TMEM63A: variants seen among roughly 807,000 people sequenced by gnomAD.
The protein encoded by TMEM63A is mechanosensitive cation channel TMEM63A.
TMEM63A carries 76 observed loss-of-function variants against 100.6 expected under a neutral mutation model. That is an observed-to-expected ratio of 0.76 (90% CI 0.63 to 0.91). The LOEUF is 0.91. Among genes scored for constraint, TMEM63A ranks in the 40% least tolerant of loss-of-function variants. The probability of loss-of-function intolerance (pLI) is 0.00; values close to 1 mark genes in which losing one functional copy is unlikely to be tolerated. For synonymous variants in TMEM63A, 401 were observed against 401.1 expected (o/e 1.00, Z 0.00); for missense variants, 876 against 1,008.8 (o/e 0.87, Z 1.78).
intron 6 of TMEM63A, 109 bp downstream of exon 6, chr1:225,870,967 A>G (rs2102637922): frequency 1.7e-6 from 2 of 1,179,046 alleles, no homozygotes; most frequent in East Asian, 2.4e-5. Flanking sequence ...AAAGTATCTA[A>G]GAGACACCAT....
downstream of TMEM63A, chr1:225,844,482 T>G (rs1427283988): frequency 1.2e-6 from 2 of 1,614,082 alleles, no homozygotes; most frequent in Non-Finnish European, 8.5e-7. Flanking sequence ...TGGGGCTTTG[T>G]GTTCTGCGTT....
In TMEM63A at chr1:225,873,653, G is replaced by A. The variant is rs138093888; in HGVS notation, c.266+635C>T. ...TGAACAGAGAATCCTGGAGCCCCAC[G>A]CAGAACTGGAAGGACCTGAAGCCTG... On this transcript the variant is annotated intron_variant, in intron 4 of 24. Transcript: ENST00000366835. Among the ~76,000 whole-genome samples, 79 of 152,238 alleles carry A rather than the reference G, an allele frequency of 5.2e-4. 2 individuals carry two copies. Among genetic ancestry groups the A allele is most frequent in the African/African-American group, 1.7e-3 (72 of 41,546 alleles).
chr1:225,845,094 G>C, downstream of TMEM63A: 2 of 1,596,060 alleles, frequency 1.3e-6, no homozygotes, highest in Admixed American at 1.7e-5. Flanking sequence ...TGTGCAGGAC[G>C]GAGGGGCGCA....
At position 225,857,031 on chromosome 1, in the gene TMEM63A, C is replaced by G. The variant is rs1371718544; in HGVS notation, c.1378-14G>C. 6.4e-7 allele frequency: 1 copy of G among 1,565,532 alleles called. No individual in the cohort carries two copies. The highest frequency in any genetic ancestry group is 2.1e-5 in the Admixed American group (1 of 46,820). On this transcript the variant is annotated splice_polypyrimidine_tract_variant and intron_variant, in intron 15 of 24. Coordinates refer to ENST00000366835, the MANE Select transcript of TMEM63A (RefSeq NM_014698.3). Reference sequence around the variant, plus strand: ...GATGATCGGGTTCTAGGAGAAAGGTCCACAGCAGAGAGAGTCACAGGGGCC... The same window carrying G: ...GATGATCGGGTTCTAGGAGAAAGGTGCACAGCAGAGAGAGTCACAGGGGCC...
Position 225,845,810 on chromosome 1 carries a change from A to T in TMEM63A, c.*1129T>A. The T allele has an allele frequency of 4.1e-6, 1 of 242,970 alleles. No homozygotes were observed. The highest frequency in any genetic ancestry group is 8.1e-6 in the Non-Finnish European group (1 of 123,510). The allele number at this position is 242,970 out of a possible 1,614,324, so 15.1% of individuals were successfully genotyped here. On this transcript the variant is annotated 3_prime_UTR_variant, in exon 25 of 25. Transcript: ENST00000366835. ...CAAGTCAGCGTCAAGAGAGTCCCTG[A>T]GTGAGAAGGCCCAGATAAGCCCAGG...
rs762231624 is a variant in TMEM63A at position 225,867,879 on chromosome 1, G to A, written c.514+9C>T. On this transcript the variant is annotated intron_variant, in intron 7 of 24. Coordinates refer to ENST00000366835, the MANE Select transcript of TMEM63A (RefSeq NM_014698.3). This position sits in a 1 kb window ranked among gnomAD's most constrained non-coding sequence, Gnocchi z 4.6. ...TTACAACATAGACAAGGGTGAGGAG[G>A]GTCATTACCCAGCAAGTCCCCTGAG... 6 of 1,613,886 alleles carry A rather than the reference G, an allele frequency of 3.7e-6. No homozygotes were observed. Among genetic ancestry groups the A allele is most frequent in the Non-Finnish European group, 5.1e-6 (6 of 1,180,014 alleles).
chr1:225,860,266 C>T (rs1010644055), intron 14 of TMEM63A: 2 of 152,538 alleles, frequency 1.3e-5, no homozygotes, highest in African/African-American at 4.8e-5. Context: ...GCTGGGTGCC[C>T]TTACCCTCAG....
At position 225,850,085 on chromosome 1, in the gene TMEM63A, G is replaced by A. The variant is rs1669244064; in HGVS notation, c.1904-6C>T. ...GAGCAGGATGTAGATGAGGCCTGCA[G>A]GGGATGGGGCTGTGAGCTGGAGACC... is the stretch of plus-strand genomic sequence containing the variant. On this transcript the variant is annotated splice_region_variant and splice_polypyrimidine_tract_variant and intron_variant, in intron 20 of 24. Coordinates refer to ENST00000366835, the MANE Select transcript of TMEM63A (RefSeq NM_014698.3). The A allele has an allele frequency of 1.2e-6, 2 of 1,614,080 alleles. No homozygotes were observed. Among genetic ancestry groups the A allele is most frequent in the East Asian group, 2.2e-5 (1 of 44,876 alleles).
chr1:225,845,408 G>C (rs1576056005), downstream of TMEM63A: 2 of 1,508,254 alleles, frequency 1.3e-6, no homozygotes, highest in East Asian at 4.9e-5. Flanking sequence ...CTTTTCTTGG[G>C]GAAGATACCC....
chr1:225,873,438 G>A (rs1331635030), intron 4 of TMEM63A, among the ~76,000 whole-genome samples: 1 of 152,136 alleles, frequency 6.6e-6, no homozygotes, highest in Non-Finnish European at 1.5e-5. Context: ...CATGTCAGGA[G>A]GCGCCCGAGA....
chr1:225,840,999 C>G (rs1477740847), downstream of TMEM63A: 1 of 152,192 alleles, frequency 6.6e-6, no homozygotes, highest in Non-Finnish European at 1.5e-5. Context: ...TCTCATATAA[C>G]CTCTTCTCCC....
chr1:225,877,614 G>A lies in TMEM63A; in HGVS notation c.-14-20C>T, dbSNP rs776039829. 2.0e-5 allele frequency: 32 copies of A among 1,589,926 alleles called. No individual in the cohort carries two copies. The highest frequency in any genetic ancestry group is 2.5e-5 in the Non-Finnish European group (29 of 1,165,660). ...TCTTCCCTGGAGCACAGGACAACAGGACAAGGCAGACGTTCAGGGCTCAAA... is the reference window on the plus strand; with the variant it reads ...TCTTCCCTGGAGCACAGGACAACAGAACAAGGCAGACGTTCAGGGCTCAAA... On this transcript the variant is annotated intron_variant, in intron 2 of 24. Transcript: ENST00000366835.
intron 15 of TMEM63A, among the ~76,000 whole-genome samples, chr1:225,857,555 G>C (rs534245245): frequency 6.6e-6 from 1 of 151,610 alleles, no homozygotes; most frequent in African/African-American, 2.4e-5. Flanking sequence ...AATTTTCTTT[G>C]AAAACTAAGT....
chr1:225,870,300 C>T (rs1391006912), intron 6 of TMEM63A, among the ~76,000 whole-genome samples: 2 of 151,042 alleles, frequency 1.3e-5, no homozygotes, highest in African/African-American at 4.9e-5. Context: ...TGCGGTGAGC[C>T]GAGATCGTGC....
At chr1:225,876,063 C>CA (rs532420561) in intron 3 of TMEM63A, among the ~76,000 whole-genome samples, 521 of 32,918 alleles carry the variant, frequency 0.016, 113 homozygotes, top group East Asian at 0.02. Flanking sequence ...GACCTTGTCT[C>CA]AAAAAAAAAA....
Position 225,847,083 on chromosome 1 carries a change from T to C in TMEM63A, c.2381A>G (p.Gln794Arg). 6 of 1,613,606 alleles carry C rather than the reference T, an allele frequency of 3.7e-6. No individual in the cohort carries two copies. Among genetic ancestry groups the C allele is most frequent in the Non-Finnish European group, 5.1e-6 (6 of 1,179,902 alleles). ...AGCAGCCACACTGCCCGTGGCGCTC[T>C]GCGCCAAGCACTGTCCAGGGATAGT... Reference protein sequence around the residue: ...SGTIPGQCLAQSATGSVAAAP... With the variant: ...SGTIPGQCLARSATGSVAAAP... The change falls in exon 24 of 25, where the codon CAG becomes CGG. Residue 794 changes from glutamine to arginine, a missense_variant. By Grantham distance (43) the Gln-to-Arg change is conservative. Transcript: ENST00000366835.
chr1:225,856,987 G>C lies in TMEM63A; in HGVS notation c.1408C>G (p.Leu470Val). ...AGGGCCGAGAAGGACCAGAGCAGGA[G>C]GGTGGGGAAGAACTGGCTGATGATC... is the stretch of plus-strand genomic sequence containing the variant. ...NPIISQFFPT[L>V]LLWSFSALLP... is the part of the protein sequence containing the mutation. The change falls in exon 16 of 25, where the codon CTC becomes GTC. Residue 470 changes from leucine (L) to valine (V), a missense_variant. This residue lies in a region of TMEM63A where 487 missense variants were observed against 581.9 expected (regional missense o/e 0.84). Coordinates refer to ENST00000366835, the MANE Select transcript of TMEM63A (RefSeq NM_014698.3). 1.3e-6 allele frequency: 2 copies of C among 1,590,004 alleles called. No individual in the cohort carries two copies. Among genetic ancestry groups the C allele is most frequent in the Non-Finnish European group, 1.7e-6 (2 of 1,173,086 alleles).
chr1:225,849,916 G>A lies in TMEM63A; in HGVS notation c.2067C>T (p.Arg689=). ...CAGGTCAGAAGGGCTGCTCACCCAG[G>A]CGCAGGAAGGAAAAGAAGTAGAGCC... The part of the protein sequence containing the change: ...LFWLYFFSFL[R]LGMKAPATLF... Residue 689 remains arginine, a synonymous_variant, in exon 21 of 25, where the codon CGC becomes CGT. Transcript: ENST00000366835. 1 of 1,613,862 alleles carries A rather than the reference G, an allele frequency of 6.2e-7. No homozygotes were observed. The highest frequency in any genetic ancestry group is 2.2e-5 in the East Asian group (1 of 44,884).
In TMEM63A at chr1:225,877,601, C is replaced by CACAGGACA. The variant is rs1386012685; in HGVS notation, c.-14-15_-14-8dup. On this transcript the variant is annotated splice_region_variant and splice_polypyrimidine_tract_variant and intron_variant, in intron 2 of 24. Coordinates refer to ENST00000366835, the MANE Select transcript of TMEM63A (RefSeq NM_014698.3). ...ATCATCGCGCCTGTCTTCCCTGGAG[C>CACAGGACA]ACAGGACAACAGGACAAGGCAGACG... 6.2e-7 allele frequency: 1 copy of CACAGGACA among 1,607,618 alleles called. No homozygotes were observed. The highest frequency in any genetic ancestry group is 8.5e-7 in the Non-Finnish European group (1 of 1,176,276).
Sources: allele counts gnomAD v4.1 joint callset (sites outside exome capture counted in the v4.1 genomes callset), GRCh38; gene constraint gnomAD v4.1.1; regional missense constraint gnomAD v4.1.1; non-coding constraint Gnocchi (gnomAD v3.1); transcripts MANE v1.5; gene names NCBI Gene and HGNC (gene_info 2026-07-23, HGNC 2026-07-21).